The following KHDC1 variants were observed in gnomAD, a reference collection of about 807,000 sequenced individuals.
KHDC1 encodes the protein KH domain containing 1, also known as KH homology domain-containing protein 1.
In KHDC1, 21 loss-of-function variants were observed where a neutral mutation model predicts 24.7. The ratio of observed to expected loss-of-function variants is 0.85; its 90% CI spans 0.60 to 1.23. The LOEUF is 1.23. Among genes scored for constraint, KHDC1 ranks in the 50% most tolerant of loss-of-function variants. KHDC1 has a pLI of 0.00. For synonymous variants in KHDC1, 98 were observed against 111.7 expected, an observed-to-expected ratio of 0.88 and a Z score of 0.77; for missense variants, 274 against 298.5, an observed-to-expected ratio of 0.92 and a Z score of 0.61.
At chr6:73,279,251 A>G (rs1332762654) in intron 2 of KHDC1, among the ~76,000 whole-genome samples, 1 of 152,174 alleles carries the variant, frequency 6.6e-6, no homozygotes, top group African/African-American at 2.4e-5. Context: ...TACTAAAAAT[A>G]CAAAAAACTT....
At chr6:73,308,058 C>G (rs1768003270) in intron 1 of KHDC1, among the ~76,000 whole-genome samples, 1 of 148,734 alleles carries the variant, frequency 6.7e-6, no homozygotes, top group African/African-American at 2.5e-5. Context: ...ACCGCACCAC[C>G]AGGCCCAGCT....
At chr6:73,274,934 G>A (rs1459376006) in intron 2 of KHDC1, 1 of 152,818 alleles carries the variant, frequency 6.5e-6, no homozygotes, top group Non-Finnish European at 1.5e-5. Flanking sequence ...AGGATCTGAG[G>A]GAGCCAATTA....
intron 2 of KHDC1, among the ~76,000 whole-genome samples, chr6:73,259,076 C>T (rs1012280410): frequency 2.0e-5 from 3 of 152,158 alleles, no homozygotes; most frequent in Non-Finnish European, 4.4e-5. Flanking sequence ...TTCCCTGGGG[C>T]CTGCTTCTTC....
At chr6:73,292,840 A>G in intron 1 of KHDC1, 1 of 711,486 alleles carries the variant, frequency 1.4e-6, no homozygotes. Context: ...TTGAATGCTT[A>G]TAGATTAACT....
intron 2 of KHDC1, chr6:73,269,931 C>T (rs992872058): frequency 4.6e-5 from 7 of 152,038 alleles, no homozygotes; most frequent in Non-Finnish European, 8.8e-5. Flanking sequence ...CTATGCCTGG[C>T]CAATTTTTTA....
intron 2 of KHDC1, chr6:73,290,492 G>C (rs1438098031): frequency 2.8e-6 from 1 of 363,008 alleles, no homozygotes. Flanking sequence ...AAAAATGAAG[G>C]TGATGGCATC....
intron 2 of KHDC1, among the ~76,000 whole-genome samples, chr6:73,255,167 CT>C: frequency 7.0e-6 from 1 of 143,764 alleles, no homozygotes; most frequent in East Asian, 2.0e-4. Flanking sequence ...ATGAAAATGA[CT>C]TAGCTGAATT....
chr6:73,295,495 G>A (rs550443726), intron 1 of KHDC1, among the ~76,000 whole-genome samples: 48 of 151,674 alleles, frequency 3.2e-4, no homozygotes, highest in South Asian at 4.2e-4. Context: ...TTGAACTCAG[G>A]AGTTTGAGAC....
intron 2 of KHDC1, among the ~76,000 whole-genome samples, chr6:73,271,181 C>T (rs1767172245): frequency 6.6e-6 from 1 of 151,878 alleles, no homozygotes; most frequent in Non-Finnish European, 1.5e-5. Flanking sequence ...AATATATAGA[C>T]ATGATGTAAA....
intron 2 of KHDC1, chr6:73,290,746 T>A: frequency 1.4e-5 from 5 of 357,678 alleles, no homozygotes; most frequent in South Asian, 7.1e-5. Context: ...CCAGATCCAA[T>A]CATCTTCTGC....
chr6:73,292,007 C>T lies in KHDC1; in HGVS notation c.197G>A (p.Arg66Gln), dbSNP rs779414355. 38 of 1,613,810 alleles carry T rather than the reference C, an allele frequency of 2.4e-5. No homozygotes were observed. The South Asian group carries it at 2.6e-4, about 11-fold the overall frequency. The change falls in exon 2 of 5, where the codon CGA becomes CAA. Residue 66 changes from arginine to glutamine, a missense_variant. Arg to Gln is a conservative substitution (Grantham distance 43). Coordinates refer to ENST00000370384, the Ensembl canonical transcript of KHDC1. ...TACTCGCATCACGCACCTTTTGGAT[C>T]GGCATCTAGTCTTTCCGCTCCTTGA...
chr6:73,255,037 A>G (rs1766856681), intron 2 of KHDC1, among the ~76,000 whole-genome samples: 1 of 151,840 alleles, frequency 6.6e-6, no homozygotes, highest in African/African-American at 2.4e-5. Context: ...GGTTTCCTAC[A>G]AGAAATGATA....
exon 3 of KHDC1, chr6:73,242,428 C>G: frequency 6.2e-7 from 1 of 1,614,172 alleles, no homozygotes; most frequent in Non-Finnish European, 8.5e-7. Context: ...CCTCCTGGTC[C>G]TCTTCCATGT....
At chr6:73,250,317 C>T (rs1392051015) in intron 2 of KHDC1, among the ~76,000 whole-genome samples, 1 of 152,198 alleles carries the variant, frequency 6.6e-6, no homozygotes, top group Non-Finnish European at 1.5e-5. Context: ...TAGGAAATGG[C>T]ACATGTCCCA....
chr6:73,281,849 G>A (rs1356885994), intron 2 of KHDC1, among the ~76,000 whole-genome samples: 1 of 152,134 alleles, frequency 6.6e-6, no homozygotes, highest in Non-Finnish European at 1.5e-5. Flanking sequence ...CCTCTTGGCT[G>A]TGGTAGATTC....
At chr6:73,306,692 G>A (rs573026540) in intron 1 of KHDC1, among the ~76,000 whole-genome samples, 22 of 151,850 alleles carry the variant, frequency 1.4e-4, no homozygotes, top group African/African-American at 4.8e-4. Context: ...GGCAGTGGGG[G>A]TGGGAGTTGA....
intron 2 of KHDC1, among the ~76,000 whole-genome samples, chr6:73,258,115 C>T (rs769633947): frequency 5.9e-5 from 9 of 152,112 alleles, no homozygotes; most frequent in Non-Finnish European, 8.8e-5. Context: ...ATTAGCTGGG[C>T]GTGGTGGTGC....
intron 1 of KHDC1, among the ~76,000 whole-genome samples, chr6:73,306,167 CCCTTCCTGCCTCCTGCTCCTACTTATACT>C (rs1767958534): frequency 6.6e-6 from 1 of 152,038 alleles, no homozygotes; most frequent in Non-Finnish European, 1.5e-5. Flanking sequence ...TGAATCCTCA[CCCTTCCTGCCTCCTGCTCCTACTTATACT>C]CCTCCTTCTA....
intron 1 of KHDC1, among the ~76,000 whole-genome samples, chr6:73,307,452 TTAAA>T (rs201589931): frequency 4.9e-4 from 75 of 152,056 alleles, no homozygotes; most frequent in Non-Finnish European, 1.5e-4. Flanking sequence ...AATTAATTAA[TTAAA>T]TAAAATCATT....
Sources: allele counts gnomAD v4.1 joint callset (sites outside exome capture counted in the v4.1 genomes callset), GRCh38; gene constraint gnomAD v4.1.1; transcripts MANE v1.5; gene names NCBI Gene and HGNC (gene_info 2026-07-23, HGNC 2026-07-21).